The following SNRPN variants were observed in gnomAD, a reference collection of about 807,000 sequenced individuals.
SNRPN encodes the protein small nuclear ribonucleoprotein polypeptide N.
In SNRPN, 7 loss-of-function variants were observed where a neutral mutation model predicts 25.2. The observed-to-expected ratio is 0.28, with a 90% CI of 0.16 to 0.52. SNRPN has a LOEUF of 0.52. Ranked by LOEUF, SNRPN falls within the 20% of genes least tolerant of loss-of-function variation. SNRPN has a pLI of 0.96. For synonymous variants in SNRPN, 124 were observed against 110.6 expected, an observed-to-expected ratio of 1.12 and a Z score of -0.76; for missense variants, 196 against 322.5, an observed-to-expected ratio of 0.61 and a Z score of 3.00.
intron 3 of SNRPN, chr15:24,942,272 T>C (rs1203396381): frequency 1.3e-5 from 2 of 152,204 alleles, no homozygotes; most frequent in African/African-American, 2.4e-5. Context: ...TTTTGGTTTC[T>C]AGACTTGTCA....
intron 3 of SNRPN, chr15:24,968,726 A>T (rs561310739): frequency 2.0e-5 from 3 of 152,248 alleles, no homozygotes; most frequent in Non-Finnish European, 2.9e-5. Context: ...TTATTTACTA[A>T]TTCCTTTTTG....
chr15:24,903,714 G>T (rs2058610812), intron 2 of SNRPN, among the ~76,000 whole-genome samples: 1 of 152,178 alleles, frequency 6.6e-6, no homozygotes, highest in Non-Finnish European at 1.5e-5. Context: ...GTTTTAATGG[G>T]AGAGATAGTC....
chr15:24,955,177 T>C, intron 1 of SNRPN, 115 bp downstream of exon 1: 1 of 1,380,430 alleles, frequency 7.2e-7, no homozygotes. Flanking sequence ...ATTTGGGCCC[T>C]AAAGTCCTTT....
intron 1 of SNRPN, among the ~76,000 whole-genome samples, chr15:24,867,050 A>G (rs2054632319): frequency 6.6e-6 from 1 of 152,146 alleles, no homozygotes; most frequent in Non-Finnish European, 1.5e-5. Flanking sequence ...TGTTTTAACA[A>G]TTTCTGCCTC....
intron 2 of SNRPN, among the ~76,000 whole-genome samples, chr15:24,902,973 T>C (rs781042171): frequency 6.6e-6 from 1 of 152,184 alleles, no homozygotes; most frequent in Non-Finnish European, 1.5e-5. Context: ...TGCTGATTGG[T>C]TCATTTTACA....
intron 3 of SNRPN, among the ~76,000 whole-genome samples, chr15:24,970,829 A>G (rs1372684307): frequency 6.6e-6 from 1 of 152,160 alleles, no homozygotes; most frequent in African/African-American, 2.4e-5. Context: ...TTTGTTAAAT[A>G]AACCTTTCCA....
chr15:24,976,749 A>C (rs2077106060), intron 6 of SNRPN, 128 bp from the exon 7 acceptor site: 1 of 826,110 alleles, frequency 1.2e-6, no homozygotes, highest in Non-Finnish European at 2.0e-6. Flanking sequence ...TTGTTTGTTC[A>C]TTTGGACACA....
chr15:24,895,844 A>G (rs188412212), intron 2 of SNRPN, among the ~76,000 whole-genome samples: 10 of 152,322 alleles, frequency 6.6e-5, no homozygotes, highest in African/African-American at 1.9e-4. Flanking sequence ...GGTAGAAATG[A>G]CAAGACAGAC....
At chr15:24,963,250 G>A (rs1469742873) in intron 2 of SNRPN, among the ~76,000 whole-genome samples, 1 of 152,092 alleles carries the variant, frequency 6.6e-6, no homozygotes, top group African/African-American at 2.4e-5. Context: ...TATTGTAATC[G>A]TTAGCTTGCT....
chr15:24,931,081 T>C (rs901767330), intron 3 of SNRPN, among the ~76,000 whole-genome samples: 1 of 152,042 alleles, frequency 6.6e-6, no homozygotes, highest in Admixed American at 6.6e-5. Context: ...TAATAAATTC[T>C]ATAAAACTTT....
intron 2 of SNRPN, among the ~76,000 whole-genome samples, chr15:24,846,407 A>G (rs892639735): frequency 6.6e-6 from 1 of 152,182 alleles, no homozygotes; most frequent in Non-Finnish European, 1.5e-5. Context: ...TGAGGGATGG[A>G]TAAATGAAAA....
chr15:24,876,616 C>CAAAAAAAA (rs397943017), intron 1 of SNRPN, among the ~76,000 whole-genome samples: 1 of 89,004 alleles, frequency 1.1e-5, no homozygotes. Context: ...GACTCCATCT[C>CAAAAAAAA]AAAAAAAAAA....
chr15:24,845,212 T>A (rs1271045116), intron 2 of SNRPN, among the ~76,000 whole-genome samples: 1 of 152,258 alleles, frequency 6.6e-6, no homozygotes, highest in Non-Finnish European at 1.5e-5. Context: ...ATGCTATACA[T>A]ACATACATAT....
intron 2 of SNRPN, among the ~76,000 whole-genome samples, chr15:24,891,461 G>A (rs983616764): frequency 2.0e-5 from 3 of 148,258 alleles, no homozygotes; most frequent in Admixed American, 6.7e-5. Context: ...TTTTTGAGAC[G>A]GATTCTCGCT....
upstream of SNRPN, chr15:24,954,786 G>A (rs1566947769): frequency 1.8e-6 from 1 of 559,826 alleles, no homozygotes; most frequent in Non-Finnish European, 3.2e-6. Context: ...ATGGTTTCTA[G>A]AGGCCCCCTC....
chr15:24,950,376 T>G (rs1259990442), upstream of SNRPN, among the ~76,000 whole-genome samples: 1 of 151,490 alleles, frequency 6.6e-6, no homozygotes, highest in East Asian at 2.0e-4. Flanking sequence ...GGGGTTTCAC[T>G]GTGTTGGCCA....
chr15:24,933,221 C>T (rs987738585), intron 3 of SNRPN, among the ~76,000 whole-genome samples: 1 of 152,052 alleles, frequency 6.6e-6, no homozygotes, highest in African/African-American at 2.4e-5. Context: ...ATCCATGCCA[C>T]TGTGCTCTAG....
chr15:24,965,346 T>C (rs1253547534), intron 2 of SNRPN, among the ~76,000 whole-genome samples: 1 of 152,084 alleles, frequency 6.6e-6, no homozygotes, highest in East Asian at 1.9e-4. Flanking sequence ...AAGACCAGCC[T>C]GGCCAACATG....
At chr15:24,898,480 C>T (rs1357597680) in intron 2 of SNRPN, among the ~76,000 whole-genome samples, 4 of 151,766 alleles carry the variant, frequency 2.6e-5, no homozygotes, top group African/African-American at 9.7e-5. Flanking sequence ...CCCAGCTACT[C>T]GGGAGAGTGA....
Sources: allele counts gnomAD v4.1 joint callset (sites outside exome capture counted in the v4.1 genomes callset), GRCh38; gene constraint gnomAD v4.1.1; transcripts MANE v1.5; gene names NCBI Gene and HGNC (gene_info 2026-07-23, HGNC 2026-07-21).